Variants in GALNT6 observed in about 807,000 individuals in gnomAD.
The protein encoded by GALNT6 is GalNAc transferase 6.
A neutral mutation model predicts 65.9 loss-of-function variants in GALNT6; 51 were observed. That is an observed-to-expected ratio of 0.77 (90% CI 0.62 to 0.98). The LOEUF is 0.98. Among genes scored for constraint, GALNT6 ranks in the 50% least tolerant of loss-of-function variants. The pLI, the probability that GALNT6 is intolerant of heterozygous loss-of-function variation, is 0.00. For missense variants in GALNT6, 708 were observed against 803.3 expected, an observed-to-expected ratio of 0.88 and a Z score of 1.43; for synonymous variants, 323 against 315.1, an observed-to-expected ratio of 1.02 and a Z score of -0.26.
chr12:51,370,264 G>A (rs1274693688), intron 4 of GALNT6, among the ~76,000 whole-genome samples: 1 of 152,202 alleles, frequency 6.6e-6, no homozygotes, highest in East Asian at 1.9e-4. Context: ...TAAATTCTGG[G>A]CCGGGTTTGG....
At position 51,379,401 on chromosome 12, in the gene GALNT6, G is replaced by T. The variant is rs752996671; in HGVS notation, c.381C>A (p.Pro127=). 4 of 1,606,724 alleles carry T rather than the reference G, an allele frequency of 2.5e-6. No homozygotes were observed. The highest frequency in any genetic ancestry group is 2.5e-6 in the Non-Finnish European group (3 of 1,176,508). The change falls in exon 3 of 12, where the codon CCC becomes CCA. Residue 127 remains proline, a synonymous_variant. Transcript: ENST00000356317. ...CTTCTTCCTTTTCCTGGGTCTCCAG[G>T]GGGGTCCACTTGCTCTTCTGAAATG... ...GKAFQKSKWT[P]LETQEKEEGY...
At chr12:51,355,389 A>G (rs185551542) in intron 11 of GALNT6, among the ~76,000 whole-genome samples, 1 of 152,194 alleles carries the variant, frequency 6.6e-6, no homozygotes, top group Admixed American at 6.5e-5. Flanking sequence ...TACCTTCTAC[A>G]TTGCTCTACT....
chr12:51,372,625 C>T (rs1244269907), intron 4 of GALNT6, among the ~76,000 whole-genome samples: 1 of 152,194 alleles, frequency 6.6e-6, no homozygotes, highest in African/African-American at 2.4e-5. Context: ...ATATGGTGGC[C>T]TGCTAGGGGC....
chr12:51,363,553 T>A (rs1029646776), intron 6 of GALNT6, among the ~76,000 whole-genome samples: 1 of 152,254 alleles, frequency 6.6e-6, no homozygotes, highest in African/African-American at 2.4e-5. Flanking sequence ...AAAATATTTA[T>A]CATCTGGCCC....
intron 3 of GALNT6, among the ~76,000 whole-genome samples, chr12:51,377,706 C>T (rs1003552757): frequency 1.3e-5 from 2 of 152,118 alleles, no homozygotes; most frequent in South Asian, 4.2e-4. Context: ...TCTCTTCCTC[C>T]GTAATATGTG....
intron 4 of GALNT6, among the ~76,000 whole-genome samples, chr12:51,368,395 GT>G (rs34661831): frequency 0.61 from 82,088 of 135,568 alleles, 23,708 homozygotes; most frequent in African/African-American, 0.62. Flanking sequence ...TTTTTTCCAT[GT>G]TTTTTTTTTT....
At chr12:51,376,413 T>C (rs1305105300) in intron 4 of GALNT6, among the ~76,000 whole-genome samples, 2 of 151,648 alleles carry the variant, frequency 1.3e-5, no homozygotes, top group African/African-American at 4.8e-5. Context: ...GCAGGCAGAT[T>C]ACCTGAGTTC....
intron 2 of GALNT6, among the ~76,000 whole-genome samples, chr12:51,390,585 C>T (rs1948038015): frequency 6.6e-6 from 1 of 152,214 alleles, no homozygotes; most frequent in Admixed American, 6.5e-5. Flanking sequence ...CTGTCTGGAG[C>T]GGAGAATAGG....
At chr12:51,383,805 G>C (rs1164640573) in intron 2 of GALNT6, among the ~76,000 whole-genome samples, 1 of 152,132 alleles carries the variant, frequency 6.6e-6, no homozygotes, top group African/African-American at 2.4e-5. Flanking sequence ...CCTTAGAAGA[G>C]ACACAGAATC....
Position 51,377,313 on chromosome 12 carries a change from G to T in GALNT6, c.546C>A (p.Ile182=). Residue 182 remains isoleucine, a synonymous_variant, in exon 4 of 12, where the codon ATC becomes ATA. Transcript: ENST00000356317. ...RCPPLATTSV[I]IVFHNEAWST... is the part of the protein sequence containing the mutation. ...ACCAGGCTTCGTTGTGGAACACAATGATCACGCTGGTGGTGGCCAGTGGGG... is the reference window on the plus strand; with the variant it reads ...ACCAGGCTTCGTTGTGGAACACAATTATCACGCTGGTGGTGGCCAGTGGGG... The T allele has an allele frequency of 6.2e-7, 1 of 1,613,260 alleles. No individual in the cohort carries two copies. Among genetic ancestry groups the T allele is most frequent in the Non-Finnish European group, 8.5e-7 (1 of 1,180,004 alleles).
At chr12:51,385,150 G>A (rs775046751) in intron 2 of GALNT6, among the ~76,000 whole-genome samples, 17 of 151,924 alleles carry the variant, frequency 1.1e-4, no homozygotes, top group Admixed American at 2.0e-4. Context: ...CATCAAGACC[G>A]GCTAATTTTT....
intron 4 of GALNT6, among the ~76,000 whole-genome samples, chr12:51,372,925 T>C (rs1947335517): frequency 6.6e-6 from 1 of 152,248 alleles, no homozygotes; most frequent in South Asian, 2.1e-4. Flanking sequence ...CTTTAAGGCT[T>C]AATGAATGCC....
At chr12:51,386,596 T>TA in intron 2 of GALNT6, among the ~76,000 whole-genome samples, 1 of 152,324 alleles carries the variant, frequency 6.6e-6, no homozygotes, top group East Asian at 1.9e-4. Flanking sequence ...AAGCAGTCCT[T>TA]ACCACAGCGA....
intron 8 of GALNT6, 40 bp from the exon 9 acceptor site, chr12:51,358,301 GTT>G (rs5798170): frequency 0.015 from 21,931 of 1,436,782 alleles, 53 homozygotes; most frequent in East Asian, 0.11. Context: ...AGTTCCACCA[GTT>G]TTTTTTTTTT....
chr12:51,379,669 G>T lies in GALNT6; in HGVS notation c.113C>A (p.Thr38Lys). 6.2e-7 allele frequency: 1 copy of T among 1,614,166 alleles called. No individual in the cohort carries two copies. The highest frequency in any genetic ancestry group is 8.5e-7 in the Non-Finnish European group (1 of 1,180,014). ...CAGGGACTTCAGCCACGGCTTCTCT[G>T]TGGCCTCCTCTCTGCTGCTCACATC... ...HRDVSSREEA[T>K]EKPWLKSLVS... The change falls in exon 3 of 12, where the codon ACA (threonine) becomes AAA (lysine). Residue 38 changes from threonine (T) to lysine (K), a missense_variant. Coordinates refer to ENST00000356317, the MANE Select transcript of GALNT6 (RefSeq NM_007210.4).
chr12:51,357,449 A>G lies in GALNT6; in HGVS notation c.1502T>C (p.Ile501Thr), dbSNP rs1196655000. 6.2e-7 allele frequency: 1 copy of G among 1,610,576 alleles called. No individual in the cohort carries two copies. The highest frequency in any genetic ancestry group is 8.5e-7 in the Non-Finnish European group (1 of 1,176,826). Residue 501 changes from isoleucine to threonine, a missense_variant and splice_region_variant, in exon 10 of 12, where the codon ATC (isoleucine) becomes ACC (threonine). Ile to Thr is a moderately conservative substitution (Grantham distance 89). Transcript: ENST00000356317. ...GCATTGGTTGGTGCCGAGGTTCTTG[A>G]TCTGCAGAAGGGTGAGCAGAGAGGG... ...PDLTPTFYGA[I>T]KNLGTNQCLD...
chr12:51,379,896 G>A lies in GALNT6; in HGVS notation c.-103-12C>T, dbSNP rs1299815285. Reference sequence around the variant, plus strand: ...GCTGGGGCCTCAGCCTGAGAAAGGAGGGGACAAGAGAGAGAAGTGAGCCAA... The same window carrying A: ...GCTGGGGCCTCAGCCTGAGAAAGGAAGGGACAAGAGAGAGAAGTGAGCCAA... On this transcript the variant is annotated splice_polypyrimidine_tract_variant and intron_variant, in intron 2 of 11. Coordinates refer to ENST00000356317, the MANE Select transcript of GALNT6 (RefSeq NM_007210.4). 12 of 1,108,332 alleles carry A rather than the reference G, an allele frequency of 1.1e-5. No homozygotes were observed. In the East Asian group the frequency reaches 3.1e-4, roughly 29 times the overall value. The allele number at this position is 1,108,332 out of a possible 1,614,324, so 68.7% of individuals were successfully genotyped here. A position where few individuals can be genotyped will look rare whatever the true frequency, so the allele number is the denominator to read the frequency against.
intron 8 of GALNT6, 63 bp downstream of exon 8, chr12:51,359,069 G>T: frequency 2.3e-6 from 3 of 1,327,742 alleles, no homozygotes; most frequent in South Asian, 1.2e-5. Context: ...TTAGGCCCAT[G>T]AACAGGGTCT....
chr12:51,384,962 G>A (rs1947785102), intron 2 of GALNT6, among the ~76,000 whole-genome samples: 1 of 152,148 alleles, frequency 6.6e-6, no homozygotes, highest in African/African-American at 2.4e-5. Flanking sequence ...TGTATCACAT[G>A]TAACACAGGC....
Sources: allele counts gnomAD v4.1 joint callset (sites outside exome capture counted in the v4.1 genomes callset), GRCh38; gene constraint gnomAD v4.1.1; transcripts MANE v1.5; gene names NCBI Gene and HGNC (gene_info 2026-07-23, HGNC 2026-07-21).